TTC12: variants seen among roughly 807,000 people sequenced by gnomAD.
The protein encoded by TTC12 is tetratricopeptide repeat protein 12.
Under a neutral mutation model 90.1 loss-of-function variants are expected in TTC12, and 70 were observed. The observed-to-expected ratio is 0.78, with a 90% CI of 0.64 to 0.95. The LOEUF (loss-of-function observed/expected upper bound fraction) is 0.95, where lower values mean the gene tolerates loss of function less well. Ranked by LOEUF, TTC12 falls within the 40% of genes least tolerant of loss-of-function variation. The probability of loss-of-function intolerance (pLI) is 0.00; values close to 1 mark genes in which losing one functional copy is unlikely to be tolerated. For missense variants in TTC12, 819 were observed against 846.1 expected (o/e 0.97, Z 0.40); for synonymous variants, 296 against 311.5 (o/e 0.95, Z 0.53).
chr11:113,321,859 A>G (rs535435092), intron 2 of TTC12, among the ~76,000 whole-genome samples: 117 of 152,382 alleles, frequency 7.7e-4, no homozygotes, highest in African/African-American at 2.6e-3. Flanking sequence ...AGAGCCACTT[A>G]GATGACTGAC....
At chr11:113,326,761 G>A (rs1461468909) in intron 6 of TTC12, among the ~76,000 whole-genome samples, 1 of 152,166 alleles carries the variant, frequency 6.6e-6, no homozygotes, top group African/African-American at 2.4e-5. Flanking sequence ...ATGGCCAGAG[G>A]TTGATTTAGC....
intron 1 of TTC12, among the ~76,000 whole-genome samples, chr11:113,315,375 A>G (rs760026312): frequency 1.8e-4 from 27 of 152,196 alleles, no homozygotes; most frequent in Non-Finnish European, 2.9e-4. Context: ...GGAGATGAGG[A>G]CACTGAGACT....
chr11:113,323,191 T>A (rs1356007775), intron 2 of TTC12, 97 bp from the exon 3 acceptor site: 9 of 1,024,158 alleles, frequency 8.8e-6, no homozygotes, highest in African/African-American at 1.6e-5. Flanking sequence ...TTTTTTTCTT[T>A]AAGATCTTTC....
intron 16 of TTC12, among the ~76,000 whole-genome samples, chr11:113,357,139 A>G (rs573726310): frequency 1.3e-5 from 2 of 151,716 alleles, no homozygotes; most frequent in Non-Finnish European, 2.9e-5. Flanking sequence ...TTCTTTTTTT[A>G]TCTATTCTTG....
chr11:113,316,315 T>C lies in TTC12; in HGVS notation c.58T>C (p.Ser20Pro). 2.1e-6 allele frequency: 3 copies of C among 1,409,782 alleles called. No individual in the cohort carries two copies. The highest frequency in any genetic ancestry group is 2.8e-6 in the Non-Finnish European group (3 of 1,055,784). 87.3% of individuals were successfully genotyped at this position (1,409,782 alleles called of 1,614,324 possible). A position where few individuals can be genotyped will look rare whatever the true frequency, so the allele number is the denominator to read the frequency against. Residue 20 changes from serine (S) to proline (P), a missense_variant and splice_region_variant, in exon 2 of 22, where the codon TCC becomes CCC. Physicochemically the swap from Ser to Pro is moderately conservative, Grantham distance 74 (BLOSUM62 -1). Transcript: ENST00000529221. ...QKFLKNVDEI[S>P]NLIQEMNSDD... ...ATTTCTTAAAAATGTGGATGAAATC[T>C]GTAAGTACTAGTAAATCATAAATTA...
intron 18 of TTC12, among the ~76,000 whole-genome samples, chr11:113,360,290 G>T (rs782234097): frequency 7.2e-5 from 11 of 151,958 alleles, no homozygotes; most frequent in Non-Finnish European, 1.3e-4. Context: ...CCTTCCGTAT[G>T]GTCTGAAATT....
chr11:113,332,291 T>C (rs1442107825), intron 7 of TTC12, among the ~76,000 whole-genome samples: 1 of 152,056 alleles, frequency 6.6e-6, no homozygotes, highest in African/African-American at 2.4e-5. Flanking sequence ...CAAAGGAGAG[T>C]GGGCCTATTC....
rs369527635 is a variant in TTC12, at chr11:113,362,392, T to C, written c.1615-9T>C. 7.0e-5 allele frequency: 113 copies of C among 1,602,934 alleles called. No individual in the cohort carries two copies. Among genetic ancestry groups the C allele is most frequent in the Non-Finnish European group, 9.1e-5 (107 of 1,170,172 alleles). ...GGACATTTAATTATCCTCTTTCTGC[T>C]GTACTCAGAGAGCTGCTGGTGTTCT... On this transcript the variant is annotated splice_polypyrimidine_tract_variant and intron_variant, in intron 18 of 21. Transcript: ENST00000529221.
intron 2 of TTC12, among the ~76,000 whole-genome samples, chr11:113,318,895 C>A (rs1353835818): frequency 6.6e-6 from 1 of 152,066 alleles, no homozygotes; most frequent in Non-Finnish European, 1.5e-5. Flanking sequence ...ACCTTGGAAA[C>A]CATGGTAAGG....
At chr11:113,346,470 G>A (rs952731842) in intron 13 of TTC12, among the ~76,000 whole-genome samples, 13 of 152,192 alleles carry the variant, frequency 8.5e-5, no homozygotes, top group Middle Eastern at 3.4e-3. Context: ...AGACGTCGAG[G>A]TCCAAGTCTC....
At chr11:113,368,550 A>T (rs1402692594), downstream of TTC12, 1 of 1,487,592 alleles carries the variant, frequency 6.7e-7, no homozygotes, top group Non-Finnish European at 9.2e-7. Flanking sequence ...CTCCATCACC[A>T]TCCTGAAGCC....
chr11:113,339,300 G>A lies in TTC12; in HGVS notation c.652G>A (p.Val218Ile). Residue 218 changes from valine (V) to isoleucine (I), a missense_variant, in exon 10 of 22, where the codon GTA (valine) becomes ATA (isoleucine). By Grantham distance (29) the Val-to-Ile change is conservative (BLOSUM62 3). Transcript: ENST00000529221. ...TGTTTTTCTAGGTTACCTGAATCAA[G>A]TAGATCTTCAGGAAAAAGCAGACCT... ...QTQVKGYLNQ[V>I]DLQEKADLQE... 6.2e-7 allele frequency: 1 copy of A among 1,607,444 alleles called. No individual in the cohort carries two copies. Among genetic ancestry groups the A allele is most frequent in the Non-Finnish European group, 8.5e-7 (1 of 1,178,028 alleles).
In TTC12 at chr11:113,359,993, T is replaced by C. The variant is rs1555154160; in HGVS notation, c.1599T>C (p.Asp533=). Residue 533 remains aspartate, a synonymous_variant, in exon 18 of 22, where the codon GAT becomes GAC. Coordinates refer to ENST00000529221, the MANE Select transcript of TTC12 (RefSeq NM_017868.4). ...RRCLSLLNSQ[D]GGILTRAAGV... Reference sequence around the variant, plus strand: ...GCCTGTCTTTACTAAACAGCCAGGATGGAGGAATCCTGACAGTAAGTTTCT... The same window carrying C: ...GCCTGTCTTTACTAAACAGCCAGGACGGAGGAATCCTGACAGTAAGTTTCT... 1.9e-6 allele frequency: 3 copies of C among 1,598,108 alleles called. No individual in the cohort carries two copies. The East Asian group carries it at 6.7e-5, about 36-fold the overall frequency.
intron 13 of TTC12, among the ~76,000 whole-genome samples, chr11:113,349,697 C>T (rs781884064): frequency 1.3e-5 from 2 of 152,148 alleles, no homozygotes; most frequent in African/African-American, 2.4e-5. Context: ...TATTAGGGGG[C>T]CCTCCCACTT....
chr11:113,357,034 AT>A (rs1486128568), intron 16 of TTC12, among the ~76,000 whole-genome samples: 5 of 152,136 alleles, frequency 3.3e-5, no homozygotes, highest in Admixed American at 3.3e-4. Flanking sequence ...AATTGGTTCC[AT>A]TCTCCTCATC....
At chr11:113,371,043 C>T (rs965892483), downstream of TTC12, among the ~76,000 whole-genome samples, 1 of 152,070 alleles carries the variant, frequency 6.6e-6, no homozygotes, top group Non-Finnish European at 1.5e-5. Context: ...AGTTAACGTG[C>T]AAGGTGATTT....
At chr11:113,352,527 G>A (rs897260950) in intron 16 of TTC12, among the ~76,000 whole-genome samples, 2 of 151,784 alleles carry the variant, frequency 1.3e-5, no homozygotes, top group Non-Finnish European at 2.9e-5. Context: ...TGTGTCATGG[G>A]GGTTTGTTGT....
Position 113,359,344 on chromosome 11 carries a change from C to A in TTC12, c.1447-19C>A, listed in dbSNP as rs1555153739. The stretch of plus-strand genomic sequence containing the variant: ...TGTAAGGCAAAAAGGTCATTGGTTA[C>A]CTTGTTTTGTTTCCCAAGGCCAGGT... On this transcript the variant is annotated intron_variant, in intron 16 of 21. Transcript: ENST00000529221. 1 of 1,563,622 alleles carries A rather than the reference C, an allele frequency of 6.4e-7. No individual in the cohort carries two copies. The highest frequency in any genetic ancestry group is 1.7e-4 in the Middle Eastern group (1 of 5,938).
chr11:113,338,145 G>A (rs1171518324), intron 8 of TTC12, among the ~76,000 whole-genome samples: 1 of 152,090 alleles, frequency 6.6e-6, no homozygotes, highest in African/African-American at 2.4e-5. Context: ...ACTCTGGGCA[G>A]TTCTTATATT....
Sources: gnomAD v4.1 joint callset for allele counts (sites outside exome capture counted in the v4.1 genomes callset) on GRCh38, gnomAD v4.1.1 for gene constraint, MANE v1.5 for transcripts, NCBI Gene and HGNC (gene_info 2026-07-23, HGNC 2026-07-21) for gene names.